The following ZNF846 variants were observed in gnomAD, a reference collection of about 807,000 sequenced individuals.
The protein encoded by ZNF846 is zinc finger protein 846.
ZNF846 carries 15 observed loss-of-function variants against 16.0 expected under a neutral mutation model. That is an observed-to-expected ratio of 0.94 (90% CI 0.63 to 1.45). The LOEUF (loss-of-function observed/expected upper bound fraction) is 1.45. Among genes scored for constraint, ZNF846 ranks in the 40% most tolerant of loss-of-function variants. The pLI, the probability that ZNF846 is intolerant of heterozygous loss-of-function variation, is 0.00. For missense variants in ZNF846, 714 were observed against 622.3 expected, an observed-to-expected ratio of 1.15 and a Z score of -1.57; for synonymous variants, 229 against 212.0, an observed-to-expected ratio of 1.08 and a Z score of -0.70.
downstream of ZNF846, chr19:9,756,405 AAC>A (rs1294905742): frequency 2.2e-5 from 3 of 138,146 alleles, no homozygotes; most frequent in Non-Finnish European, 4.5e-5. Context: ...CCATATTTCT[AAC>A]ATTCATAATG....
downstream of ZNF846, among the ~76,000 whole-genome samples, chr19:9,755,976 G>A (rs2045130233): frequency 6.7e-6 from 1 of 148,774 alleles, no homozygotes; most frequent in African/African-American, 2.5e-5. Flanking sequence ...AAGCAATTGG[G>A]ATTAAAGGCA....
intron 1 of ZNF846, among the ~76,000 whole-genome samples, chr19:9,777,401 G>A (rs1035176531): frequency 1.3e-5 from 2 of 151,988 alleles, no homozygotes; most frequent in Non-Finnish European, 2.9e-5. Context: ...AGCCGGGTGC[G>A]GTGGCTCATG....
At chr19:9,758,520 G>C (rs768617847) in exon 6 of ZNF846, 6 of 1,613,462 alleles carry the variant, frequency 3.7e-6, no homozygotes, top group Non-Finnish European at 5.1e-6. Flanking sequence ...ATTCTGCCTA[G>C]TAAGATTTGG....
exon 6 of ZNF846, chr19:9,758,549 T>C: frequency 6.2e-7 from 1 of 1,613,218 alleles, no homozygotes; most frequent in Non-Finnish European, 8.5e-7. Context: ...TGAAGGCTTT[T>C]TCATGTTTAA....
chr19:9,769,826 T>A (rs971291923), upstream of ZNF846, among the ~76,000 whole-genome samples: 4 of 151,536 alleles, frequency 2.6e-5, no homozygotes, highest in Non-Finnish European at 4.4e-5. Context: ...AAATATTTTT[T>A]AAAAAATAGC....
At chr19:9,765,226 C>A (rs997492996) in intron 1 of ZNF846, among the ~76,000 whole-genome samples, 191 bp from the exon 2 acceptor site, 2 of 151,908 alleles carry the variant, frequency 1.3e-5, no homozygotes, top group Non-Finnish European at 2.9e-5. Flanking sequence ...TCCAAAAAAA[C>A]CAGCCAGGTG....
chr19:9,752,389 C>A, exon 6 of ZNF846: 1 of 342,690 alleles, frequency 2.9e-6, no homozygotes. Context: ...GGGTGGATCA[C>A]CTGAAGTCAG....
exon 6 of ZNF846, chr19:9,757,822 C>T (rs1248853769): frequency 1.2e-5 from 19 of 1,613,362 alleles, no homozygotes; most frequent in Non-Finnish European, 1.5e-5. Flanking sequence ...TATGGCTTCT[C>T]TCCAGTGTGA....
At chr19:9,772,982 A>C (rs2045401295), upstream of ZNF846, among the ~76,000 whole-genome samples, 1 of 152,096 alleles carries the variant, frequency 6.6e-6, no homozygotes, top group South Asian at 2.1e-4. Flanking sequence ...GCTTGAACCC[A>C]GGAAGTGGAG....
At chr19:9,754,914 G>T (rs765235644), downstream of ZNF846, among the ~76,000 whole-genome samples, 3 of 150,722 alleles carry the variant, frequency 2.0e-5, no homozygotes, top group Non-Finnish European at 4.4e-5. Flanking sequence ...TGCCCAGGCT[G>T]GAGTCCAATG....
downstream of ZNF846, among the ~76,000 whole-genome samples, chr19:9,751,442 C>T (rs1405872373): frequency 6.6e-5 from 10 of 152,190 alleles, no homozygotes; most frequent in Middle Eastern, 6.8e-3. Context: ...CTGAGCTGGC[C>T]GCACCATGGT....
chr19:9,772,001 C>T (rs1031842462), upstream of ZNF846, among the ~76,000 whole-genome samples: 2 of 151,564 alleles, frequency 1.3e-5, no homozygotes, highest in Non-Finnish European at 2.9e-5. Flanking sequence ...CTCTTGACCT[C>T]GTGATCCACC....
chr19:9,773,202 A>G (rs1023482882), upstream of ZNF846, among the ~76,000 whole-genome samples: 6 of 152,300 alleles, frequency 3.9e-5, no homozygotes, highest in Non-Finnish European at 7.3e-5. Flanking sequence ...TGTTATTATT[A>G]TTGTTGTTTG....
intron 5 of ZNF846, among the ~76,000 whole-genome samples, chr19:9,759,432 A>C (rs1335593317): frequency 1.3e-5 from 2 of 151,160 alleles, no homozygotes; most frequent in Admixed American, 6.6e-5. Flanking sequence ...GTGAAACCCC[A>C]TCTCTACAAA....
At chr19:9,753,012 G>C (rs1425095056), downstream of ZNF846, among the ~76,000 whole-genome samples, 1 of 150,506 alleles carries the variant, frequency 6.6e-6, no homozygotes, top group Non-Finnish European at 1.5e-5. Flanking sequence ...GTCAGATGAG[G>C]GCCCTTTTCC....
At chr19:9,751,510 C>T (rs890829787), downstream of ZNF846, among the ~76,000 whole-genome samples, 4 of 152,162 alleles carry the variant, frequency 2.6e-5, no homozygotes, top group Admixed American at 6.5e-5. Flanking sequence ...ATTCCTTGTC[C>T]TGTGAATGTA....
In ZNF846 at chr19:9,764,977, T is replaced by A. The variant is rs764589251; in HGVS notation, c.-27A>T. On this transcript the variant is annotated 5_prime_UTR_variant, in exon 2 of 6. The change abolishes the stop of an existing upstream ORF in the 5' untranslated region. Transcript: ENST00000397902. The stretch of plus-strand genomic sequence containing the variant: ...AGTAATCCATCAGTAACCCAGCCAC[T>A]AGCCTTGGCTTCTCGATGTTCCTGT... 3.1e-6 allele frequency: 5 copies of A among 1,613,920 alleles called. No homozygotes were observed. The Admixed American group carries it at 8.3e-5, about 27-fold the overall frequency.
chr19:9,758,617 T>C, exon 6 of ZNF846: 1 of 1,613,186 alleles, frequency 6.2e-7, no homozygotes, highest in East Asian at 2.2e-5. Flanking sequence ...TGAGGAAAGT[T>C]CTTTCTTAAG....
rs1334603139 is a variant in ZNF846 at position 9,783,545 on chromosome 19, AT to A, written c.-86+2392del. Among the ~76,000 whole-genome samples, 348 of 101,880 alleles carry A rather than the reference AT, an allele frequency of 3.4e-3. 3 individuals are homozygous for A. Among genetic ancestry groups the A allele is most frequent in the South Asian group, 9.4e-3 (32 of 3,406 alleles). 66.8% of individuals were successfully genotyped at this position (101,880 alleles called of 152,430 possible). On this transcript the variant is annotated intron_variant, in intron 1 of 4. Coordinates refer to the ZNF846 transcript ENST00000586814. ...CATCACTAAAAAAAAAAAAAAAAAAATATATATATATATATATATATTCTTT... is the reference window on the plus strand; with the variant it reads ...CATCACTAAAAAAAAAAAAAAAAAAAATATATATATATATATATATTCTTT...
Sources: gnomAD v4.1 joint callset for allele counts (sites outside exome capture counted in the v4.1 genomes callset) on GRCh38, gnomAD v4.1.1 for gene constraint, MANE v1.5 for transcripts, NCBI Gene and HGNC (gene_info 2026-07-23, HGNC 2026-07-21) for gene names.